The following BRD4 variants were observed in gnomAD, a reference collection of about 807,000 sequenced individuals.
BRD4 encodes the protein bromodomain containing 4.
In BRD4, 16 loss-of-function variants were observed where a neutral mutation model predicts 142.1. The ratio of observed to expected loss-of-function variants is 0.11; its 90% CI spans 0.08 to 0.17. The LOEUF (loss-of-function observed/expected upper bound fraction) is 0.17, where lower values mean the gene tolerates loss of function less well. Ranked by LOEUF, BRD4 falls within the 10% of genes least tolerant of loss-of-function variation. The pLI, the probability that BRD4 is intolerant of heterozygous loss-of-function variation, is 1.00. For synonymous variants in BRD4, 833 were observed against 707.5 expected (o/e 1.18, Z -2.82); for missense variants, 1,424 against 1,810.9 (o/e 0.79, Z 3.88).
chr19:15,239,903 C>T lies in BRD4; in HGVS notation c.3282+7G>A. Reference sequence around the variant, plus strand: ...CCACAGGACTATGGCCCAGCCCTGCCAGTTACCTGTTTCTTAGGCTGGACG... The same window carrying T: ...CCACAGGACTATGGCCCAGCCCTGCTAGTTACCTGTTTCTTAGGCTGGACG... On this transcript the variant is annotated splice_region_variant and intron_variant, in intron 15 of 19. Transcript: ENST00000679869. The surrounding 1 kb of genome is among the most constrained non-coding windows in gnomAD (Gnocchi z 7.4). 1 of 1,614,106 alleles carries T rather than the reference C, an allele frequency of 6.2e-7. No homozygotes were observed. Among genetic ancestry groups the T allele is most frequent in the Non-Finnish European group, 8.5e-7 (1 of 1,180,026 alleles).
intron 1 of BRD4, among the ~76,000 whole-genome samples, chr19:15,330,255 A>G (rs1462486023): frequency 1.3e-5 from 2 of 152,150 alleles, no homozygotes; most frequent in Admixed American, 6.5e-5. Context: ...GTTTCCTACC[A>G]AAGAAAGAGG....
chr19:15,300,817 T>A (rs1382696863), intron 1 of BRD4, among the ~76,000 whole-genome samples: 3 of 152,140 alleles, frequency 2.0e-5, no homozygotes, highest in Admixed American at 1.3e-4. Context: ...ACTAAAACTC[T>A]CATCCACTGC....
chr19:15,283,930 C>T (rs1296434272), intron 1 of BRD4, among the ~76,000 whole-genome samples: 1 of 152,146 alleles, frequency 6.6e-6, no homozygotes, highest in Admixed American at 6.6e-5. Flanking sequence ...CTAGCAAGAG[C>T]CCTTGCTGGG....
intron 1 of BRD4, among the ~76,000 whole-genome samples, chr19:15,296,899 T>G (rs1416953915): frequency 2.0e-5 from 3 of 151,828 alleles, no homozygotes; most frequent in African/African-American, 7.3e-5. Flanking sequence ...CCACCTCTCA[T>G]GGAGAGTAGG....
rs1410146153 is a variant in BRD4, at chr19:15,235,908, G to A, written c.*2469C>T. ...GCAGAGAAAACTATCCAGCTCAGCA[G>A]TTGGACCCAGGCTGGGGAAGTGTCT... On this transcript the variant is annotated 3_prime_UTR_variant, in exon 20 of 20. Transcript: ENST00000679869. 1.3e-5 allele frequency: 2 copies of A among 152,248 alleles called. No individual in the cohort carries two copies. The highest frequency in any genetic ancestry group is 4.8e-5 in the African/African-American group (2 of 41,462). The allele number at this position is 152,248 out of a possible 1,614,324, so 9.4% of individuals were successfully genotyped here. A position where few individuals can be genotyped will look rare whatever the true frequency, so the allele number is the denominator to read the frequency against.
Position 15,238,135 on chromosome 19 carries a change from C to T in BRD4, c.*242G>A, listed in dbSNP as rs1417576415. 7 of 563,604 alleles carry T rather than the reference C, an allele frequency of 1.2e-5. 1 individual carries two copies. Among genetic ancestry groups the T allele is most frequent in the South Asian group, 8.2e-5 (4 of 48,524 alleles). 34.9% of individuals were successfully genotyped at this position (563,604 alleles called of 1,614,324 possible). ...CAGCCGGCACTTGCTCGTAACAAGG[C>T]GTGTGCTGAGCGGACGTCCTGTGAG... On this transcript the variant is annotated 3_prime_UTR_variant, in exon 20 of 20. Transcript: ENST00000679869. The surrounding 1 kb of genome is among the most constrained non-coding windows in gnomAD (Gnocchi z 7.2).
rs777534006 is a variant in BRD4 at position 15,244,478 on chromosome 19, G to A, written c.2334C>T (p.Pro778=). The change falls in exon 13 of 20, where the codon CCC becomes CCT. Residue 778 remains proline, a synonymous_variant. Coordinates refer to ENST00000679869, the MANE Select transcript of BRD4 (RefSeq NM_001379291.1). The part of the protein sequence containing the change: ...PPPQQQQQPP[P]PPPPPSMPQQ... ...GCGGCATGGAGGGTGGGGGAGGCGGGGGTGGCGGCTGCTGTTGCTGCTGCG... is the reference window on the plus strand; with the variant it reads ...GCGGCATGGAGGGTGGGGGAGGCGGAGGTGGCGGCTGCTGTTGCTGCTGCG... The A allele has an allele frequency of 6.5e-7, 1 of 1,542,132 alleles. No homozygotes were observed. The highest frequency in any genetic ancestry group is 8.7e-7 in the Non-Finnish European group (1 of 1,151,454).
chr19:15,264,138 G>A (rs1046365350), intron 6 of BRD4: 19 of 424,756 alleles, frequency 4.5e-5, no homozygotes, highest in Admixed American at 8.2e-5. Context: ...GGGCCCCCAA[G>A]GCCAGAGGGC....
intron 6 of BRD4, among the ~76,000 whole-genome samples, chr19:15,263,888 A>G (rs779892370): frequency 6.6e-6 from 1 of 152,254 alleles, no homozygotes; most frequent in Non-Finnish European, 1.5e-5. Context: ...AAAGGGACAC[A>G]GCACTGTTCC....
intron 1 of BRD4, among the ~76,000 whole-genome samples, chr19:15,313,502 T>C (rs994166594): frequency 2.7e-5 from 4 of 150,816 alleles, no homozygotes; most frequent in Non-Finnish European, 5.9e-5. Context: ...GGTGAAACCC[T>C]GTCTCTACTA....
chr19:15,316,591 C>CA (rs906229901), intron 1 of BRD4, among the ~76,000 whole-genome samples: 21 of 148,504 alleles, frequency 1.4e-4, no homozygotes, highest in Admixed American at 4.0e-4. Context: ...AACTCCATCT[C>CA]AAAAAAAAAG....
intron 1 of BRD4, among the ~76,000 whole-genome samples, chr19:15,277,123 C>T (rs1397343734): frequency 1.3e-5 from 2 of 152,126 alleles, no homozygotes; most frequent in African/African-American, 4.8e-5. Context: ...TGACCTGTGG[C>T]CAAAAAGCAG....
In BRD4 at chr19:15,249,295, G is replaced by A. The variant is rs756692685; in HGVS notation, c.2159-4533C>T. On this transcript the variant is annotated intron_variant, in intron 11 of 19. Coordinates refer to ENST00000679869, the MANE Select transcript of BRD4 (RefSeq NM_001379291.1). ...TGTCCAATGATTAGGCAGGACCTACGTAGAGGGAGAGAGAAACCAGTGTGA... is the reference window on the plus strand; with the variant it reads ...TGTCCAATGATTAGGCAGGACCTACATAGAGGGAGAGAGAAACCAGTGTGA... 1.4e-5 allele frequency: 23 copies of A among 1,613,866 alleles called. No homozygotes were observed. In the Admixed American group the frequency reaches 1.8e-4, roughly 13 times the overall value.
At chr19:15,250,080 A>G (rs1173235497) in intron 11 of BRD4, among the ~76,000 whole-genome samples, 7 of 152,046 alleles carry the variant, frequency 4.6e-5, no homozygotes, top group Admixed American at 4.6e-4. Flanking sequence ...GGAGTCACGG[A>G]TGCAACCGAC....
chr19:15,323,723 CCTGA>C (rs939440268), intron 1 of BRD4, among the ~76,000 whole-genome samples: 16 of 152,144 alleles, frequency 1.1e-4, no homozygotes, highest in South Asian at 4.1e-4. Context: ...ACCAGTGTCT[CCTGA>C]CTAACAGCAG....
intron 1 of BRD4, among the ~76,000 whole-genome samples, chr19:15,330,025 C>T (rs193208777): frequency 6.6e-6 from 1 of 152,216 alleles, no homozygotes; most frequent in Non-Finnish European, 1.5e-5. Context: ...TCCAGACTAG[C>T]GAAGCTAGGC....
intron 1 of BRD4, among the ~76,000 whole-genome samples, chr19:15,319,175 A>G (rs1244816250): frequency 6.6e-6 from 1 of 152,074 alleles, no homozygotes; most frequent in Non-Finnish European, 1.5e-5. Context: ...GTCCCTTCAA[A>G]AAATAAAAAA....
intron 1 of BRD4, among the ~76,000 whole-genome samples, chr19:15,292,267 G>A (rs1756610068): frequency 6.6e-6 from 1 of 152,124 alleles, no homozygotes; most frequent in South Asian, 2.1e-4. Flanking sequence ...AAACAAAAGA[G>A]CTTCATTTCA....
chr19:15,315,162 TC>T (rs767651981), intron 1 of BRD4, among the ~76,000 whole-genome samples: 4 of 151,886 alleles, frequency 2.6e-5, no homozygotes, highest in South Asian at 2.1e-4. Flanking sequence ...GTTTTTTTTT[TC>T]CCCCCACAGG....
Sources: gnomAD v4.1 joint callset for allele counts (sites outside exome capture counted in the v4.1 genomes callset) on GRCh38, gnomAD v4.1.1 for gene constraint, Gnocchi (gnomAD v3.1) non-coding constraint, MANE v1.5 for transcripts, NCBI Gene and HGNC (gene_info 2026-07-23, HGNC 2026-07-21) for gene names.